Variants in FRAS1 observed in about 807,000 individuals in gnomAD.
FRAS1 encodes Fraser extracellular matrix complex subunit 1.
FRAS1 carries 290 observed loss-of-function variants against 435.2 expected under a neutral mutation model. That is an observed-to-expected ratio of 0.67 (90% CI 0.61 to 0.73). The LOEUF is 0.73. FRAS1 is among the 30% of genes least tolerant of loss of function. FRAS1 has a pLI of 0.00. For missense variants in FRAS1, 4,860 were observed against 5,001.5 expected (o/e 0.97, Z 0.85); for synonymous variants, 1,800 against 1,851.0 (o/e 0.97, Z 0.71).
At chr4:78,122,183 G>T (rs1719069954) in intron 2 of FRAS1, among the ~76,000 whole-genome samples, 1 of 151,926 alleles carries the variant, frequency 6.6e-6, no homozygotes, top group African/African-American at 2.4e-5. Flanking sequence ...GTGTCCATGT[G>T]TTCTTATTGT....
At chr4:78,385,991 C>T (rs1490112720) in intron 28 of FRAS1, among the ~76,000 whole-genome samples, 1 of 151,908 alleles carries the variant, frequency 6.6e-6, no homozygotes, top group Non-Finnish European at 1.5e-5. Context: ...TCCTTACACT[C>T]AGAAACTTTG....
At chr4:78,460,463 G>A (rs1348664825) in intron 47 of FRAS1, among the ~76,000 whole-genome samples, 34 of 152,206 alleles carry the variant, frequency 2.2e-4, no homozygotes. Context: ...ACACCACCTT[G>A]CTGGCAAATG....
chr4:78,314,054 A>G (rs1729137800), intron 15 of FRAS1, among the ~76,000 whole-genome samples: 1 of 151,074 alleles, frequency 6.6e-6, no homozygotes, highest in Admixed American at 6.6e-5. Flanking sequence ...TCTCTCCCTT[A>G]TCTTTGGATC....
chr4:78,236,289 T>TTTAC, intron 2 of FRAS1, among the ~76,000 whole-genome samples: 1 of 139,466 alleles, frequency 7.2e-6, no homozygotes, highest in Admixed American at 7.1e-5. Context: ...AATAGTTGCA[T>TTTAC]TTATTTATTT....
intron 2 of FRAS1, among the ~76,000 whole-genome samples, chr4:78,174,812 T>C (rs1053308702): frequency 6.6e-6 from 1 of 152,178 alleles, no homozygotes; most frequent in Non-Finnish European, 1.5e-5. Context: ...TCTTGAGCCA[T>C]TTGCTTTGGG....
intron 35 of FRAS1, among the ~76,000 whole-genome samples, chr4:78,424,834 TCAG>T (rs1733936401): frequency 6.6e-6 from 1 of 151,660 alleles, no homozygotes; most frequent in Non-Finnish European, 1.5e-5. Context: ...TCCTAGCTAC[TCAG>T]GAGGATCCCT....
At chr4:78,101,737 T>G (rs1172788662) in intron 2 of FRAS1, among the ~76,000 whole-genome samples, 3 of 152,212 alleles carry the variant, frequency 2.0e-5, no homozygotes, top group African/African-American at 2.4e-5. Flanking sequence ...TCATATTTGT[T>G]GTAGAAATAT....
chr4:78,307,298 G>C (rs1442252006), intron 14 of FRAS1, among the ~76,000 whole-genome samples: 1 of 152,258 alleles, frequency 6.6e-6, no homozygotes, highest in Non-Finnish European at 1.5e-5. Context: ...TAAGTCTGCA[G>C]AGGTTATTGC....
intron 47 of FRAS1, among the ~76,000 whole-genome samples, chr4:78,456,631 G>A (rs994977013): frequency 6.6e-6 from 1 of 152,162 alleles, no homozygotes. Flanking sequence ...AAGGGATAGG[G>A]CGTTTGGTTG....
At chr4:78,097,128 AAAATGCT>A in intron 2 of FRAS1, among the ~76,000 whole-genome samples, 1 of 152,358 alleles carries the variant, frequency 6.6e-6, no homozygotes, top group Admixed American at 6.5e-5. Context: ...GGGCAAGGGC[AAAATGCT>A]GCCAGTCTCT....
At chr4:78,531,000 CCTT>C (rs1169968202) in intron 70 of FRAS1, among the ~76,000 whole-genome samples, 4 of 152,066 alleles carry the variant, frequency 2.6e-5, no homozygotes, top group Non-Finnish European at 5.9e-5. Context: ...TTGTTTGTGT[CCTT>C]TCTTATTTCC....
chr4:78,301,084 C>T (rs575598203), intron 14 of FRAS1, among the ~76,000 whole-genome samples: 5 of 152,284 alleles, frequency 3.3e-5, no homozygotes, highest in African/African-American at 1.2e-4. Flanking sequence ...GTTTGCAAGG[C>T]AGATATCCTT....
intron 2 of FRAS1, among the ~76,000 whole-genome samples, chr4:78,157,308 T>C (rs1362259895): frequency 6.6e-6 from 1 of 152,240 alleles, no homozygotes; most frequent in Non-Finnish European, 1.5e-5. Flanking sequence ...GTCTTTTTGG[T>C]AAAATGATTT....
At chr4:78,401,268 T>C (rs937055215) in intron 30 of FRAS1, among the ~76,000 whole-genome samples, 7 of 151,872 alleles carry the variant, frequency 4.6e-5, no homozygotes, top group African/African-American at 1.4e-4. Flanking sequence ...TTCTTCTTAA[T>C]GAGACTTAAA....
At chr4:78,241,960 T>A (rs60544673) in intron 3 of FRAS1, among the ~76,000 whole-genome samples, 3,102 of 152,068 alleles carry the variant, frequency 0.02, 66 homozygotes, top group African/African-American at 0.055. Context: ...ATCAGCAAAT[T>A]TGTGGATGAA....
At chr4:78,296,057 A>G (rs570326495) in intron 14 of FRAS1, among the ~76,000 whole-genome samples, 1 of 150,984 alleles carries the variant, frequency 6.6e-6, no homozygotes, top group Admixed American at 6.6e-5. Context: ...TCAGCCAGAT[A>G]TTTCCTTCTT....
chr4:78,149,968 C>A (rs928627279), intron 2 of FRAS1, among the ~76,000 whole-genome samples: 20 of 152,138 alleles, frequency 1.3e-4, no homozygotes, highest in African/African-American at 4.6e-4. Context: ...GGCAGTGGAG[C>A]GTGGACAAGT....
chr4:78,112,183 T>C (rs1456261386), intron 2 of FRAS1, among the ~76,000 whole-genome samples: 1 of 152,312 alleles, frequency 6.6e-6, no homozygotes, highest in Admixed American at 6.5e-5. Flanking sequence ...TGCATGTGGT[T>C]AGCATATTTT....
At chr4:78,436,759 T>A (rs561225851) in intron 38 of FRAS1, among the ~76,000 whole-genome samples, 29 of 151,974 alleles carry the variant, frequency 1.9e-4, no homozygotes, top group African/African-American at 6.3e-4. Context: ...GTTAAAAAAA[T>A]GAAAAATATG....
Sources: gnomAD v4.1 joint callset for allele counts (sites outside exome capture counted in the v4.1 genomes callset) on GRCh38, gnomAD v4.1.1 for gene constraint, MANE v1.5 for transcripts, NCBI Gene and HGNC (gene_info 2026-07-23, HGNC 2026-07-21) for gene names.